The following EYA2 variants were observed in gnomAD, a reference collection of about 807,000 sequenced individuals.
EYA2 encodes the protein protein phosphatase EYA2.
A neutral mutation model predicts 69.2 loss-of-function variants in EYA2; 31 were observed. The observed-to-expected ratio is 0.45, with a 90% CI of 0.34 to 0.60. The LOEUF is 0.60. EYA2 is among the 20% of genes least tolerant of loss of function. The pLI is 0.02. For synonymous variants in EYA2, 257 were observed against 279.4 expected (o/e 0.92, Z 0.80); for missense variants, 622 against 701.2 (o/e 0.89, Z 1.28).
intron 5 of EYA2, among the ~76,000 whole-genome samples, chr20:47,039,743 G>A (rs1479860858): frequency 6.7e-6 from 1 of 149,586 alleles, no homozygotes; most frequent in Non-Finnish European, 1.5e-5. Flanking sequence ...TCAAATCCTG[G>A]TTTTGCTGTT....
chr20:46,986,346 T>C (rs1185667574), intron 1 of EYA2, among the ~76,000 whole-genome samples: 1 of 64,552 alleles, frequency 1.5e-5, no homozygotes, highest in East Asian at 2.9e-4. Flanking sequence ...CTAATGTATA[T>C]ATATACACAT....
intron 1 of EYA2, among the ~76,000 whole-genome samples, chr20:46,918,915 G>T (rs1011191808): frequency 2.0e-5 from 3 of 152,236 alleles, no homozygotes; most frequent in African/African-American, 4.8e-5. Flanking sequence ...CTGCAGAATG[G>T]ATGCTGTGTT....
intron 9 of EYA2, among the ~76,000 whole-genome samples, chr20:47,137,275 C>G (rs2033498548): frequency 6.6e-6 from 1 of 151,922 alleles, no homozygotes; most frequent in South Asian, 2.1e-4. Flanking sequence ...AGCTTTTGTA[C>G]CAACTGATGT....
At chr20:47,020,824 G>C (rs1209194275) in intron 5 of EYA2, among the ~76,000 whole-genome samples, 5 of 152,176 alleles carry the variant, frequency 3.3e-5, no homozygotes, top group Admixed American at 3.3e-4. Context: ...CATGATTCAT[G>C]GGCACCACAG....
In EYA2 at chr20:47,040,133, A is replaced by G. The variant is rs1600662486; in HGVS notation, c.415+23836A>G. 4.6e-5 allele frequency among the ~76,000 whole-genome samples: 7 copies of G among 152,210 alleles called. 2 individuals are homozygous for G. Among genetic ancestry groups the G allele is most frequent in the Admixed American group, 4.6e-4 (7 of 15,292 alleles). ...TGGGATTACAGGCATGAGCCACCGC[A>G]CCTGGCAAAGATCAAATACTTAATA... On this transcript the variant is annotated intron_variant, in intron 5 of 15. Coordinates refer to ENST00000327619, the MANE Select transcript of EYA2 (RefSeq NM_005244.5).
chr20:47,048,929 T>C (rs2030184626), intron 5 of EYA2, among the ~76,000 whole-genome samples: 1 of 152,162 alleles, frequency 6.6e-6, no homozygotes, highest in Non-Finnish European at 1.5e-5. Flanking sequence ...TGTTCCAGCA[T>C]TTCTGAGTTC....
chr20:47,030,674 C>T (rs1984358407), intron 5 of EYA2, among the ~76,000 whole-genome samples: 1 of 152,218 alleles, frequency 6.6e-6, no homozygotes, highest in Admixed American at 6.5e-5. Context: ...AGCAGATTCT[C>T]TTCCTTGTGA....
At chr20:47,173,138 C>G (rs1016334580) in intron 12 of EYA2, among the ~76,000 whole-genome samples, 1 of 152,114 alleles carries the variant, frequency 6.6e-6, no homozygotes, top group Non-Finnish European at 1.5e-5. Flanking sequence ...GCGGAATTCT[C>G]TTACCCACAG....
At chr20:47,081,201 C>G (rs1282716682) in intron 7 of EYA2, among the ~76,000 whole-genome samples, 2 of 152,010 alleles carry the variant, frequency 1.3e-5, no homozygotes, top group Non-Finnish European at 2.9e-5. Context: ...CACTGGGTTC[C>G]TCTCATGACA....
At chr20:47,131,462 G>T (rs542825302) in intron 9 of EYA2, among the ~76,000 whole-genome samples, 1 of 152,328 alleles carries the variant, frequency 6.6e-6, no homozygotes, top group Admixed American at 6.5e-5. Context: ...GCATGCTGTG[G>T]TGGGCAGACA....
intron 7 of EYA2, among the ~76,000 whole-genome samples, chr20:47,082,403 G>A (rs1600695647): frequency 6.6e-6 from 1 of 151,584 alleles, no homozygotes; most frequent in Non-Finnish European, 1.5e-5. Context: ...AACTTTAGCA[G>A]TGTTGCAGGG....
chr20:47,141,917 A>G (rs892811530), intron 9 of EYA2, among the ~76,000 whole-genome samples: 12 of 152,176 alleles, frequency 7.9e-5, no homozygotes, highest in East Asian at 1.9e-4. Flanking sequence ...TTTCAGTTGT[A>G]GGTATGATCT....
chr20:46,901,518 A>G (rs913623848), intron 1 of EYA2: 6 of 152,230 alleles, frequency 3.9e-5, no homozygotes, highest in Admixed American at 3.3e-4. Context: ...CCAGGTGCTG[A>G]TGGAAATTCC....
chr20:47,102,481 G>A (rs571770307), intron 9 of EYA2, among the ~76,000 whole-genome samples: 2 of 152,354 alleles, frequency 1.3e-5, no homozygotes, highest in Admixed American at 6.5e-5. Flanking sequence ...AGAACCAGCA[G>A]CACTTTGCTT....
intron 5 of EYA2, among the ~76,000 whole-genome samples, chr20:47,044,936 A>G (rs573817710): frequency 6.6e-6 from 1 of 152,132 alleles, no homozygotes; most frequent in African/African-American, 2.4e-5. Context: ...ATCATCATGT[A>G]CCTAATTACA....
chr20:47,007,476 G>A (rs1982787483), intron 4 of EYA2, among the ~76,000 whole-genome samples: 1 of 152,182 alleles, frequency 6.6e-6, no homozygotes, highest in African/African-American at 2.4e-5. Flanking sequence ...AATGGGAGAT[G>A]AGGTGAATGA....
At chr20:46,985,218 C>T (rs757234618) in intron 1 of EYA2, among the ~76,000 whole-genome samples, 3 of 152,138 alleles carry the variant, frequency 2.0e-5, no homozygotes, top group Non-Finnish European at 2.9e-5. Flanking sequence ...TCTCTCTCTC[C>T]CTCTGCCCCT....
chr20:47,148,547 A>G (rs2033755586), intron 10 of EYA2, among the ~76,000 whole-genome samples: 1 of 151,276 alleles, frequency 6.6e-6, no homozygotes, highest in Admixed American at 6.6e-5. Flanking sequence ...CAACAGAAAT[A>G]TGACAAAGAT....
intron 9 of EYA2, among the ~76,000 whole-genome samples, chr20:47,129,074 A>G (rs2033269226): frequency 1.3e-5 from 2 of 152,178 alleles, no homozygotes; most frequent in African/African-American, 4.8e-5. Flanking sequence ...CAGTGAGCCA[A>G]GATCATGCCA....
Sources: allele counts gnomAD v4.1 joint callset (sites outside exome capture counted in the v4.1 genomes callset), GRCh38; gene constraint gnomAD v4.1.1; transcripts MANE v1.5; gene names NCBI Gene and HGNC (gene_info 2026-07-23, HGNC 2026-07-21).